FRAS1: variants seen among roughly 807,000 people sequenced by gnomAD.
The protein encoded by FRAS1 is extracellular matrix organizing protein FRAS1.
Under a neutral mutation model 435.2 loss-of-function variants are expected in FRAS1, and 290 were observed. The ratio of observed to expected loss-of-function variants is 0.67; its 90% CI spans 0.61 to 0.73. The LOEUF (loss-of-function observed/expected upper bound fraction) is 0.73. Ranked by LOEUF, FRAS1 falls within the 30% of genes least tolerant of loss-of-function variation. The pLI is 0.00. For synonymous variants in FRAS1, 1,800 were observed against 1,851.0 expected, an observed-to-expected ratio of 0.97 and a Z score of 0.71; for missense variants, 4,860 against 5,001.5, an observed-to-expected ratio of 0.97 and a Z score of 0.85.
At chr4:78,226,031 TGTTA>T (rs1485420253) in intron 2 of FRAS1, among the ~76,000 whole-genome samples, 1 of 152,196 alleles carries the variant, frequency 6.6e-6, no homozygotes, top group Non-Finnish European at 1.5e-5. Flanking sequence ...ATTCTTAGTT[TGTTA>T]GTTAAACACA....
intron 35 of FRAS1, among the ~76,000 whole-genome samples, chr4:78,427,537 A>G (rs4975098): frequency 0.55 from 83,747 of 151,696 alleles, 23,570 homozygotes; most frequent in Non-Finnish European, 0.62. Flanking sequence ...AGCATCCTGA[A>G]TCCACTAAAA....
chr4:78,199,360 G>T (rs895624003), intron 2 of FRAS1, among the ~76,000 whole-genome samples: 2 of 152,204 alleles, frequency 1.3e-5, no homozygotes, highest in Non-Finnish European at 2.9e-5. Context: ...TATCTCTCCA[G>T]AGATGATTAC....
At chr4:78,386,675 G>GT (rs939563292) in intron 28 of FRAS1, among the ~76,000 whole-genome samples, 3 of 151,756 alleles carry the variant, frequency 2.0e-5, no homozygotes, top group East Asian at 1.9e-4. Context: ...TTTTGGGTGA[G>GT]TTTTTTTTCT....
chr4:78,188,990 A>C (rs1722409920), intron 2 of FRAS1, among the ~76,000 whole-genome samples: 1 of 152,192 alleles, frequency 6.6e-6, no homozygotes, highest in African/African-American at 2.4e-5. Flanking sequence ...CTAATTAATT[A>C]TGTCCAGGTG....
intron 6 of FRAS1, among the ~76,000 whole-genome samples, chr4:78,259,875 G>A (rs1158828103): frequency 2.0e-5 from 3 of 152,046 alleles, no homozygotes; most frequent in Non-Finnish European, 2.9e-5. Context: ...ATCTTGAATT[G>A]ATTTTTGTAT....
chr4:78,222,060 G>T (rs1724078229), intron 2 of FRAS1, among the ~76,000 whole-genome samples: 1 of 152,210 alleles, frequency 6.6e-6, no homozygotes, highest in Non-Finnish European at 1.5e-5. Context: ...GCAGGGCAGA[G>T]CCGTGGAGCT....
At chr4:78,318,717 G>T in intron 17 of FRAS1, 93 bp from the exon 18 acceptor site, 2 of 1,201,044 alleles carry the variant, frequency 1.7e-6, no homozygotes, top group Non-Finnish European at 2.3e-6. Context: ...GGCTGCATTT[G>T]GTGAACTTTT....
intron 9 of FRAS1, among the ~76,000 whole-genome samples, chr4:78,276,039 T>A (rs1727004725): frequency 6.6e-6 from 1 of 152,224 alleles, no homozygotes; most frequent in Non-Finnish European, 1.5e-5. Context: ...TCTCTAAACT[T>A]CCCTTCTCGC....
At chr4:78,090,502 G>T (rs1395874102) in intron 2 of FRAS1, among the ~76,000 whole-genome samples, 1 of 152,070 alleles carries the variant, frequency 6.6e-6, no homozygotes, top group Non-Finnish European at 1.5e-5. Context: ...CAGATTGTCA[G>T]ATCTGGTTAA....
chr4:78,124,840 T>C (rs1719247813), intron 2 of FRAS1, among the ~76,000 whole-genome samples: 1 of 152,194 alleles, frequency 6.6e-6, no homozygotes, highest in African/African-American at 2.4e-5. Context: ...TCAATTTTTA[T>C]GTTTCTTTTT....
At chr4:78,312,883 A>AGAGAGAGAG (rs1553943151) in intron 15 of FRAS1, among the ~76,000 whole-genome samples, 1 of 94,290 alleles carries the variant, frequency 1.1e-5, no homozygotes. Context: ...GAGAGAGAGA[A>AGAGAGAGAG]AGAAAGAAAG....
At chr4:78,165,744 T>C (rs912714314) in intron 2 of FRAS1, among the ~76,000 whole-genome samples, 5 of 152,178 alleles carry the variant, frequency 3.3e-5, no homozygotes, top group African/African-American at 1.2e-4. Context: ...CCTGCTTGCA[T>C]GTCTAGGAGA....
In FRAS1 at chr4:78,239,898, CT is replaced by C. The variant is rs1444173333; in HGVS notation, c.216+2282del. ...GTGTAAAATTGCAAATCTCTGCCCC[CT>C]ACCACACATTTTGTATTCCTCTTCC... On this transcript the variant is annotated intron_variant, in intron 3 of 73. Transcript: ENST00000512123. Among the ~76,000 whole-genome samples, 5 of 152,298 alleles carry C rather than the reference CT, an allele frequency of 3.3e-5. No individual in the cohort carries two copies. In the Middle Eastern group the frequency reaches 0.01, roughly 311 times the overall value.
intron 41 of FRAS1, 100 bp downstream of exon 41, chr4:78,441,397 G>A: frequency 9.0e-7 from 1 of 1,108,764 alleles, no homozygotes; most frequent in South Asian, 1.5e-5. Context: ...GAACTACAGA[G>A]GAGGGGAACC....
chr4:78,482,460 C>T lies in FRAS1; in HGVS notation c.8677C>T (p.Leu2893Phe). 6.2e-7 allele frequency: 1 copy of T among 1,613,936 alleles called. No homozygotes were observed. The highest frequency in any genetic ancestry group is 8.5e-7 in the Non-Finnish European group (1 of 1,179,832). The change falls in exon 58 of 74, where the codon CTC becomes TTC. Residue 2893 changes from leucine (L) to phenylalanine (F), a missense_variant. Transcript: ENST00000512123. ...AGGACTGGAGACATTTGTGGTTTTC[C>T]TCAGCTCAGCACAAGGAGCCGAACT... ...IEGLETFVVF[L>F]SSAQGAELTK...
Position 78,058,095 on chromosome 4 carries a change from C to G in FRAS1, c.76+10C>G, listed in dbSNP as rs1416416511. ...CCTCATCATTCCGAAGGTGAGAGAGCGGTGCCGCGTGTGTGTGTGTGTGTG... is the reference window on the plus strand; with the variant it reads ...CCTCATCATTCCGAAGGTGAGAGAGGGGTGCCGCGTGTGTGTGTGTGTGTG... On this transcript the variant is annotated intron_variant, in intron 1 of 73. Coordinates refer to ENST00000512123, the MANE Select transcript of FRAS1 (RefSeq NM_025074.7). The G allele has an allele frequency of 6.2e-7, 1 of 1,608,412 alleles. No individual in the cohort carries two copies.
Position 78,266,947 on chromosome 4 carries a change from T to C in FRAS1, c.789+12T>C, listed in dbSNP as rs142206350. The C allele has an allele frequency of 1.3e-6, 2 of 1,554,062 alleles. No homozygotes were observed. Among genetic ancestry groups the C allele is most frequent in the South Asian group, 1.2e-5 (1 of 86,132 alleles). ...TGAGATGCGGAAAGGTATTTGAGAG[T>C]GTGTACCTTACTTGTTTAAGCTCTT... is the stretch of plus-strand genomic sequence containing the variant. On this transcript the variant is annotated intron_variant, in intron 8 of 73. Coordinates refer to ENST00000512123, the MANE Select transcript of FRAS1 (RefSeq NM_025074.7).
intron 18 of FRAS1, among the ~76,000 whole-genome samples, chr4:78,325,851 C>G (rs1262285168): frequency 6.6e-6 from 1 of 152,104 alleles, no homozygotes; most frequent in African/African-American, 2.4e-5. Context: ...TATGATTAAG[C>G]CTTTGAAGGA....
chr4:78,235,767 G>T (rs1724726578), intron 2 of FRAS1, among the ~76,000 whole-genome samples: 2 of 152,302 alleles, frequency 1.3e-5, no homozygotes, highest in African/African-American at 2.4e-5. Context: ...TGGTCAACAT[G>T]GTGAAACCCT....
Sources: gnomAD v4.1 joint callset for allele counts (sites outside exome capture counted in the v4.1 genomes callset) on GRCh38, gnomAD v4.1.1 for gene constraint, MANE v1.5 for transcripts, NCBI Gene and HGNC (gene_info 2026-07-23, HGNC 2026-07-21) for gene names.